The following TENT5C variants were observed in gnomAD, a reference collection of about 807,000 sequenced individuals.
TENT5C encodes the protein terminal nucleotidyltransferase 5C, also known as family with sequence similarity 46 member C.
TENT5C carries 5 observed loss-of-function variants against 22.2 expected under a neutral mutation model. That is an observed-to-expected ratio of 0.22 (90% CI 0.12 to 0.47). TENT5C has a LOEUF of 0.47. TENT5C is among the 20% of genes least tolerant of loss of function. The probability of loss-of-function intolerance (pLI) is 0.99; values close to 1 mark genes in which losing one functional copy is unlikely to be tolerated. For missense variants in TENT5C, 364 were observed against 500.9 expected, an observed-to-expected ratio of 0.73 and a Z score of 2.61; for synonymous variants, 199 against 195.4, an observed-to-expected ratio of 1.02 and a Z score of -0.15.
At chr1:117,619,886 AT>A (rs1653858132) in intron 1 of TENT5C, among the ~76,000 whole-genome samples, 1 of 152,212 alleles carries the variant, frequency 6.6e-6, no homozygotes, top group Admixed American at 6.5e-5. Context: ...TTTTGGGCCA[AT>A]AACATGCTGT....
chr1:117,624,034 C>G lies in TENT5C; in HGVS notation c.1166C>G (p.Pro389Arg), dbSNP rs1423398747. ...TYSQPYPTWL[P>R]CN The stretch of plus-strand genomic sequence containing the variant: ...AGCCAGCCTTACCCTACCTGGCTGC[C>G]CTGTAACTAACCTTGAGACCTGAGG... Residue 389 changes from proline (P) to arginine (R), a missense_variant, in exon 2 of 2, where the codon CCC (proline) becomes CGC (arginine). Physicochemically the swap from Pro to Arg is moderately radical, Grantham distance 103. Transcript: ENST00000369448. 6.2e-7 allele frequency: 1 copy of G among 1,611,722 alleles called. No individual in the cohort carries two copies. Among genetic ancestry groups the G allele is most frequent in the African/African-American group, 1.3e-5 (1 of 74,880 alleles).
In TENT5C at chr1:117,625,891, G is replaced by T. The variant is rs1400373813; in HGVS notation, c.*1847G>T. Reference sequence around the variant, plus strand: ...CCACTTCTTAGTGTAATCAGCTCCTGTTTCCCTGTGAGCCTTAGTTATATT... The same window carrying T: ...CCACTTCTTAGTGTAATCAGCTCCTTTTTCCCTGTGAGCCTTAGTTATATT... On this transcript the variant is annotated 3_prime_UTR_variant, in exon 2 of 2. Transcript: ENST00000369448. 2 of 247,880 alleles carry T rather than the reference G, an allele frequency of 8.1e-6. No homozygotes were observed. The highest frequency in any genetic ancestry group is 1.7e-5 in the Non-Finnish European group (2 of 118,062). 15.4% of individuals were successfully genotyped at this position (247,880 alleles called of 1,614,324 possible).
rs1473124832 is a variant in TENT5C at position 117,625,106 on chromosome 1, T to G, written c.*1062T>G. On this transcript the variant is annotated 3_prime_UTR_variant, in exon 2 of 2. Coordinates refer to ENST00000369448, the MANE Select transcript of TENT5C (RefSeq NM_017709.4). ...CTATTTTTTGTTTTTGTTCTTTTCG[T>G]TTTTTTTTTTTCCAAAAATAGTGAC... is the stretch of plus-strand genomic sequence containing the variant. The G allele has an allele frequency of 6.1e-5, 11 of 180,326 alleles. No individual in the cohort carries two copies. In the South Asian group the frequency reaches 1.2e-3, roughly 20 times the overall value. The allele number at this position is 180,326 out of a possible 1,614,324, so 11.2% of individuals were successfully genotyped here.
At chr1:117,620,528 C>T (rs897394929) in intron 1 of TENT5C, among the ~76,000 whole-genome samples, 8 of 152,150 alleles carry the variant, frequency 5.3e-5, no homozygotes, top group African/African-American at 1.9e-4. Flanking sequence ...GTAAAGCCAG[C>T]CCCGTAACTT....
At chr1:117,614,052 G>A (rs1225188543) in intron 1 of TENT5C, among the ~76,000 whole-genome samples, 1 of 152,226 alleles carries the variant, frequency 6.6e-6, no homozygotes, top group Non-Finnish European at 1.5e-5. Flanking sequence ...GCTATTCCAT[G>A]TACATGAAAC....
chr1:117,618,825 A>G (rs1653838715), intron 1 of TENT5C, among the ~76,000 whole-genome samples: 1 of 152,228 alleles, frequency 6.6e-6, no homozygotes, highest in African/African-American at 2.4e-5. Flanking sequence ...TACTACCTGC[A>G]TATGTTTCCA....
At chr1:117,613,325 G>A (rs947006346) in intron 1 of TENT5C, among the ~76,000 whole-genome samples, 3 of 152,232 alleles carry the variant, frequency 2.0e-5, no homozygotes, top group African/African-American at 7.2e-5. Flanking sequence ...CCACGTCAGA[G>A]TATACCTTTC....
Position 117,624,410 on chromosome 1 carries a change from T to G in TENT5C, c.*366T>G, listed in dbSNP as rs1022705303. ...AGCGCGTGAGAAGTGCTAAGCTACT[T>G]GTTTTCTCACTTGAGCCCGGGTAGG... On this transcript the variant is annotated 3_prime_UTR_variant, in exon 2 of 2. Transcript: ENST00000369448. The G allele has an allele frequency of 4.7e-5, 13 of 276,438 alleles. No individual in the cohort carries two copies. Among genetic ancestry groups the G allele is most frequent in the Admixed American group, 1.5e-4 (3 of 19,706 alleles). The allele number at this position is 276,438 out of a possible 1,614,324, so 17.1% of individuals were successfully genotyped here. A position where few individuals can be genotyped will look rare whatever the true frequency, so the allele number is the denominator to read the frequency against.
At position 117,625,889 on chromosome 1, in the gene TENT5C, C is replaced by T. The variant is rs1353340008; in HGVS notation, c.*1845C>T. Reference sequence around the variant, plus strand: ...AGCCACTTCTTAGTGTAATCAGCTCCTGTTTCCCTGTGAGCCTTAGTTATA... The same window carrying T: ...AGCCACTTCTTAGTGTAATCAGCTCTTGTTTCCCTGTGAGCCTTAGTTATA... On this transcript the variant is annotated 3_prime_UTR_variant, in exon 2 of 2. Transcript: ENST00000369448. 4.0e-6 allele frequency: 1 copy of T among 247,866 alleles called. No individual in the cohort carries two copies. Among genetic ancestry groups the T allele is most frequent in the Non-Finnish European group, 8.5e-6 (1 of 118,066 alleles). The allele number at this position is 247,866 out of a possible 1,614,324, so 15.4% of individuals were successfully genotyped here.
chr1:117,616,141 A>C (rs1304380218), intron 1 of TENT5C, among the ~76,000 whole-genome samples: 1 of 152,206 alleles, frequency 6.6e-6, no homozygotes, highest in Non-Finnish European at 1.5e-5. Flanking sequence ...ACCTGGGGTC[A>C]ATTCGCTTAA....
intron 1 of TENT5C, 92 bp downstream of exon 1, chr1:117,606,245 TA>T (rs1294214324): frequency 6.7e-6 from 1 of 150,212 alleles, no homozygotes; most frequent in Non-Finnish European, 1.5e-5. Context: ...CCGCCCCCAC[TA>T]AGTGGTGCTC....
chr1:117,606,373 C>T (rs1487182968), intron 1 of TENT5C, among the ~76,000 whole-genome samples: 2 of 152,198 alleles, frequency 1.3e-5, no homozygotes, highest in Non-Finnish European at 2.9e-5. Flanking sequence ...CCCTGACACA[C>T]CCGTCCCAAA....
rs1653956599 is a variant in TENT5C, at chr1:117,624,055, T to C, written c.*11T>C. 6.2e-7 allele frequency: 1 copy of C among 1,601,850 alleles called. No homozygotes were observed. The highest frequency in any genetic ancestry group is 8.5e-7 in the Non-Finnish European group (1 of 1,172,976). On this transcript the variant is annotated 3_prime_UTR_variant, in exon 2 of 2. Coordinates refer to ENST00000369448, the MANE Select transcript of TENT5C (RefSeq NM_017709.4). ...CTGCCCTGTAACTAACCTTGAGACC[T>C]GAGGGTTTCCACAGTGGGAACCCCA...
chr1:117,612,544 C>T (rs541412408), intron 1 of TENT5C, among the ~76,000 whole-genome samples: 1 of 152,132 alleles, frequency 6.6e-6, no homozygotes, highest in South Asian at 2.1e-4. Context: ...TTTGAGCTGT[C>T]TGGTGACAGC....
chr1:117,621,932 T>G (rs1436950932), intron 1 of TENT5C, among the ~76,000 whole-genome samples: 1 of 152,222 alleles, frequency 6.6e-6, no homozygotes, highest in Non-Finnish European at 1.5e-5. Flanking sequence ...GATGAAGTGG[T>G]GTTTTTCTCC....
intron 1 of TENT5C, among the ~76,000 whole-genome samples, chr1:117,613,772 T>C (rs575105183): frequency 6.6e-6 from 1 of 152,294 alleles, no homozygotes; most frequent in East Asian, 1.9e-4. Context: ...AGACGCTGGC[T>C]GAATGCAATG....
At position 117,624,277 on chromosome 1, in the gene TENT5C, C is replaced by T. The variant is rs1432476463; in HGVS notation, c.*233C>T. 13 of 533,652 alleles carry T rather than the reference C, an allele frequency of 2.4e-5. No individual in the cohort carries two copies. The highest frequency in any genetic ancestry group is 3.8e-5 in the African/African-American group (2 of 52,244). The allele number at this position is 533,652 out of a possible 1,614,324, so 33.1% of individuals were successfully genotyped here. The stretch of plus-strand genomic sequence containing the variant: ...CCACGTTGGAAAACGCTACAGGAAG[C>T]ATGACCTATCCACATCTTTCCAAGA... On this transcript the variant is annotated 3_prime_UTR_variant, in exon 2 of 2. Transcript: ENST00000369448.
rs1654031360 is a variant in TENT5C at position 117,627,159 on chromosome 1, G to C, written c.*3115G>C. On this transcript the variant is annotated 3_prime_UTR_variant, in exon 2 of 2. Transcript: ENST00000369448. ...GTAAGGAAGATGATGCTTAGTTCCT[G>C]ATAGATGCTACAGATGTAGTTTGGC... 1 of 248,084 alleles carries C rather than the reference G, an allele frequency of 4.0e-6. No individual in the cohort carries two copies. The highest frequency in any genetic ancestry group is 5.6e-5 in the Admixed American group (1 of 17,792). The allele number at this position is 248,084 out of a possible 1,614,324, so 15.4% of individuals were successfully genotyped here.
At chr1:117,620,357 C>T (rs1016583066) in intron 1 of TENT5C, among the ~76,000 whole-genome samples, 3 of 152,184 alleles carry the variant, frequency 2.0e-5, no homozygotes, top group African/African-American at 7.2e-5. Flanking sequence ...ATTACAGCCT[C>T]TGGTTTCCGT....
Sources: gnomAD v4.1 joint callset for allele counts (sites outside exome capture counted in the v4.1 genomes callset) on GRCh38, gnomAD v4.1.1 for gene constraint, MANE v1.5 for transcripts, NCBI Gene and HGNC (gene_info 2026-07-23, HGNC 2026-07-21) for gene names.